The following HS3ST4 variants were observed in gnomAD, a reference collection of about 807,000 sequenced individuals.
HS3ST4 encodes the protein heparan sulfate glucosamine 3-O-sulfotransferase 4.
A neutral mutation model predicts 29.2 loss-of-function variants in HS3ST4; 17 were observed. The observed-to-expected ratio is 0.58, with a 90% CI of 0.40 to 0.87. The LOEUF (loss-of-function observed/expected upper bound fraction) is 0.87. Ranked by LOEUF, HS3ST4 falls within the 40% of genes least tolerant of loss-of-function variation. The pLI is 0.00. For missense variants in HS3ST4, 627 were observed against 634.5 expected (o/e 0.99, Z 0.13); for synonymous variants, 314 against 285.7 (o/e 1.10, Z -1.00).
chr16:26,127,367 C>G (rs560439327), intron 1 of HS3ST4, among the ~76,000 whole-genome samples: 3 of 152,204 alleles, frequency 2.0e-5, no homozygotes, highest in Non-Finnish European at 4.4e-5. Flanking sequence ...ACTCTCAGGA[C>G]TTTGGGAGGC....
intron 1 of HS3ST4, among the ~76,000 whole-genome samples, chr16:25,866,898 C>A (rs1012259057): frequency 6.6e-6 from 1 of 152,092 alleles, no homozygotes; most frequent in Non-Finnish European, 1.5e-5. Context: ...AAGGTTTATT[C>A]TTCCATGTAC....
At chr16:25,722,979 A>G (rs1410911301) in intron 1 of HS3ST4, among the ~76,000 whole-genome samples, 1 of 152,242 alleles carries the variant, frequency 6.6e-6, no homozygotes, top group Non-Finnish European at 1.5e-5. Context: ...TGGAAGGGGA[A>G]AGTCACGTCT....
chr16:25,934,700 A>G (rs991956625), intron 1 of HS3ST4, among the ~76,000 whole-genome samples: 2 of 151,990 alleles, frequency 1.3e-5, no homozygotes, highest in African/African-American at 2.4e-5. Flanking sequence ...ACCGGAGAAC[A>G]CTTTCCCTCC....
chr16:25,783,824 A>G (rs1284872925), intron 1 of HS3ST4, among the ~76,000 whole-genome samples: 1 of 152,204 alleles, frequency 6.6e-6, no homozygotes, highest in Non-Finnish European at 1.5e-5. Flanking sequence ...TGGGTAACCA[A>G]ATTTCTTAAA....
chr16:25,999,817 T>C (rs996596118), intron 1 of HS3ST4, among the ~76,000 whole-genome samples: 4 of 132,528 alleles, frequency 3.0e-5, no homozygotes, highest in African/African-American at 1.1e-4. Context: ...GTATATTTTA[T>C]ATATATATTT....
intron 1 of HS3ST4, among the ~76,000 whole-genome samples, chr16:25,696,836 C>T (rs1217176631): frequency 1.3e-5 from 2 of 152,048 alleles, no homozygotes; most frequent in Non-Finnish European, 2.9e-5. Flanking sequence ...TGGTGTTTAC[C>T]GAATGCCTGC....
At chr16:25,989,170 C>A (rs1969092362) in intron 1 of HS3ST4, among the ~76,000 whole-genome samples, 2 of 152,180 alleles carry the variant, frequency 1.3e-5, no homozygotes. Context: ...TTTTGATTTG[C>A]CAAAACTCCG....
chr16:25,774,837 T>A (rs1004595484), intron 1 of HS3ST4, among the ~76,000 whole-genome samples: 2 of 152,244 alleles, frequency 1.3e-5, no homozygotes, highest in Non-Finnish European at 2.9e-5. Flanking sequence ...GCAGTCTGCT[T>A]GCATTCCACA....
At chr16:25,812,891 G>A (rs1967056271) in intron 1 of HS3ST4, among the ~76,000 whole-genome samples, 1 of 152,046 alleles carries the variant, frequency 6.6e-6, no homozygotes, top group African/African-American at 2.4e-5. Context: ...TGTTAAGCAG[G>A]ATTCCCACTT....
At chr16:25,775,863 A>G (rs888903506) in intron 1 of HS3ST4, among the ~76,000 whole-genome samples, 15 of 152,186 alleles carry the variant, frequency 9.9e-5, no homozygotes, top group African/African-American at 3.4e-4. Flanking sequence ...AAATTCCATG[A>G]TGGCACAGAC....
chr16:25,842,860 A>G (rs949878277), intron 1 of HS3ST4, among the ~76,000 whole-genome samples: 2 of 152,202 alleles, frequency 1.3e-5, no homozygotes, highest in East Asian at 3.8e-4. Context: ...TTGACTCTCA[A>G]AAACCTTACT....
At chr16:25,984,786 C>G (rs1374625150) in intron 1 of HS3ST4, among the ~76,000 whole-genome samples, 1 of 152,090 alleles carries the variant, frequency 6.6e-6, no homozygotes, top group Non-Finnish European at 1.5e-5. Context: ...GTATATACAC[C>G]ACATTTTCTT....
At chr16:25,730,458 TTCCTTCCTTC>T (rs1415219493) in intron 1 of HS3ST4, among the ~76,000 whole-genome samples, 1 of 144,116 alleles carries the variant, frequency 6.9e-6, no homozygotes, top group Non-Finnish European at 1.5e-5. Context: ...CCCTTCTTCC[TTCCTTCCTTC>T]TCCTTCCTTC....
chr16:25,991,913 C>T (rs1165884565), intron 1 of HS3ST4, among the ~76,000 whole-genome samples: 5 of 146,676 alleles, frequency 3.4e-5, no homozygotes, highest in African/African-American at 1.0e-4. Context: ...CCCAGCTACT[C>T]GGGAGGCTGA....
intron 1 of HS3ST4, among the ~76,000 whole-genome samples, chr16:25,816,833 G>A (rs1332283640): frequency 6.6e-6 from 1 of 152,090 alleles, no homozygotes; most frequent in African/African-American, 2.4e-5. Flanking sequence ...GGTGACACAG[G>A]GCATCACATG....
chr16:25,792,225 A>G (rs1966870821), intron 1 of HS3ST4, among the ~76,000 whole-genome samples: 1 of 151,828 alleles, frequency 6.6e-6, no homozygotes, highest in African/African-American at 2.4e-5. Context: ...TTGTTTATTC[A>G]TGAATATTAA....
chr16:25,815,907 C>CA (rs1320806872), intron 1 of HS3ST4, among the ~76,000 whole-genome samples: 1 of 152,158 alleles, frequency 6.6e-6, no homozygotes, highest in Admixed American at 6.6e-5. Flanking sequence ...CCATTTGGCC[C>CA]AATGTCCCTT....
At chr16:25,801,607 TGAG>T (rs1372607724) in intron 1 of HS3ST4, among the ~76,000 whole-genome samples, 2 of 152,192 alleles carry the variant, frequency 1.3e-5, no homozygotes, top group Non-Finnish European at 2.9e-5. Flanking sequence ...TGCCAGTTAG[TGAG>T]GAGATGAATT....
chr16:26,047,873 G>A (rs1267088207), intron 1 of HS3ST4, among the ~76,000 whole-genome samples: 1 of 152,160 alleles, frequency 6.6e-6, no homozygotes, highest in Non-Finnish European at 1.5e-5. Flanking sequence ...GCAGGATTTG[G>A]GCAAAAGTGG....
Sources: allele counts gnomAD v4.1 joint callset (sites outside exome capture counted in the v4.1 genomes callset), GRCh38; gene constraint gnomAD v4.1.1; transcripts MANE v1.5; gene names NCBI Gene and HGNC (gene_info 2026-07-23, HGNC 2026-07-21).